CERS6: variants seen among roughly 807,000 people sequenced by gnomAD.
CERS6 encodes ceramide synthase 6.
In CERS6, 26 loss-of-function variants were observed where a neutral mutation model predicts 56.8. The observed-to-expected ratio is 0.46, with a 90% CI of 0.34 to 0.63. The LOEUF is 0.63. CERS6 is among the 30% of genes least tolerant of loss of function. CERS6 has a pLI of 0.01. For synonymous variants in CERS6, 164 were observed against 173.3 expected, an observed-to-expected ratio of 0.95 and a Z score of 0.42; for missense variants, 415 against 467.5, an observed-to-expected ratio of 0.89 and a Z score of 1.04.
chr2:168,498,280 T>C (rs1694510896), intron 1 of CERS6, among the ~76,000 whole-genome samples: 1 of 152,164 alleles, frequency 6.6e-6, no homozygotes, highest in Non-Finnish European at 1.5e-5. Flanking sequence ...TAATGCTGGA[T>C]TTTTATTCTC....
rs1230535229 is a variant in CERS6, at chr2:168,772,766, T to A, written c.*3104T>A. 4.6e-5 allele frequency: 7 copies of A among 152,684 alleles called. No homozygotes were observed. The highest frequency in any genetic ancestry group is 3.9e-4 in the Admixed American group (6 of 15,284). 9.5% of individuals were successfully genotyped at this position (152,684 alleles called of 1,614,324 possible). On this transcript the variant is annotated 3_prime_UTR_variant, in exon 10 of 10. Transcript: ENST00000305747. ...TGTATGTGGTAAAAATGCAGATGATTGCTGCTTTACCCCAGGGTTTATTAG... is the reference window on the plus strand; with the variant it reads ...TGTATGTGGTAAAAATGCAGATGATAGCTGCTTTACCCCAGGGTTTATTAG...
At chr2:168,752,219 A>T (rs932022237) in intron 8 of CERS6, among the ~76,000 whole-genome samples, 1 of 151,504 alleles carries the variant, frequency 6.6e-6, no homozygotes, top group South Asian at 2.1e-4. Flanking sequence ...CAGTAGGATC[A>T]TTTGAGCCCA....
intron 3 of CERS6, among the ~76,000 whole-genome samples, chr2:168,599,582 C>T (rs751228467): frequency 1.1e-4 from 17 of 152,016 alleles, no homozygotes; most frequent in South Asian, 2.1e-4. Context: ...TTAGTAACCC[C>T]GATTAGAAAA....
intron 4 of CERS6, among the ~76,000 whole-genome samples, chr2:168,633,298 T>C (rs1470993668): frequency 2.0e-5 from 3 of 152,150 alleles, no homozygotes; most frequent in African/African-American, 7.2e-5. Flanking sequence ...GCTGTGTAGT[T>C]TAGTCTTACT....
At chr2:168,730,802 A>G (rs1482507719) in intron 8 of CERS6, among the ~76,000 whole-genome samples, 1 of 152,200 alleles carries the variant, frequency 6.6e-6, no homozygotes, top group East Asian at 1.9e-4. Flanking sequence ...GTCTGCAGCC[A>G]TGCATTAAAG....
chr2:168,545,610 G>A (rs1442726083), intron 1 of CERS6, among the ~76,000 whole-genome samples: 1 of 152,036 alleles, frequency 6.6e-6, no homozygotes, highest in Admixed American at 6.6e-5. Context: ...TTGTGACAGG[G>A]CACACAGAGA....
chr2:168,460,375 T>G (rs1464697964), intron 1 of CERS6, among the ~76,000 whole-genome samples: 1 of 151,988 alleles, frequency 6.6e-6, no homozygotes, highest in Non-Finnish European at 1.5e-5. Context: ...TTTGTAATTT[T>G]TTGTAGAGAT....
chr2:168,560,791 G>GTTGTTT (rs1558998390), intron 2 of CERS6, among the ~76,000 whole-genome samples: 3 of 152,116 alleles, frequency 2.0e-5, no homozygotes, highest in Non-Finnish European at 4.4e-5. Flanking sequence ...TGTTGTTGTT[G>GTTGTTT]TTGAGAAAGT....
At chr2:168,492,454 T>C (rs1043399759) in intron 1 of CERS6, among the ~76,000 whole-genome samples, 1 of 152,230 alleles carries the variant, frequency 6.6e-6, no homozygotes, top group African/African-American at 2.4e-5. Flanking sequence ...TGCCCACTTT[T>C]TGATGGGGTT....
At chr2:168,735,911 T>G (rs1373636049) in intron 8 of CERS6, among the ~76,000 whole-genome samples, 1 of 125,212 alleles carries the variant, frequency 8.0e-6, no homozygotes, top group African/African-American at 2.9e-5. Context: ...AAGAAAGAAA[T>G]ATTTTTCTAG....
chr2:168,478,822 T>G (rs1309363062), intron 1 of CERS6, among the ~76,000 whole-genome samples: 1 of 152,210 alleles, frequency 6.6e-6, no homozygotes, highest in Non-Finnish European at 1.5e-5. Context: ...TTTTACCCTG[T>G]TTAATTTAAT....
intron 4 of CERS6, among the ~76,000 whole-genome samples, chr2:168,688,272 G>A (rs562059420): frequency 6.6e-6 from 1 of 152,072 alleles, no homozygotes; most frequent in Admixed American, 6.6e-5. Context: ...TAGAATATAT[G>A]GATTTTGACA....
At chr2:168,604,390 CG>C (rs1559016909) in intron 3 of CERS6, among the ~76,000 whole-genome samples, 2,854 of 150,694 alleles carry the variant, frequency 0.019, 129 homozygotes, top group East Asian at 0.18. Context: ...CAGTTGTATA[CG>C]TGTGTGTGTG....
intron 3 of CERS6, among the ~76,000 whole-genome samples, chr2:168,605,392 G>A (rs186218900): frequency 4.6e-5 from 7 of 152,302 alleles, no homozygotes; most frequent in Admixed American, 4.6e-4. Context: ...TATCCAATTG[G>A]AACTTACGTA....
chr2:168,653,761 C>G (rs763888614), intron 4 of CERS6, among the ~76,000 whole-genome samples: 13 of 152,204 alleles, frequency 8.5e-5, no homozygotes, highest in Non-Finnish European at 1.3e-4. Context: ...CAGTAAAATT[C>G]TGCCAAAACC....
At chr2:168,522,758 A>T (rs1453159783) in intron 1 of CERS6, among the ~76,000 whole-genome samples, 1 of 152,162 alleles carries the variant, frequency 6.6e-6, no homozygotes, top group Non-Finnish European at 1.5e-5. Context: ...TTTGTTGCCC[A>T]GGCTGGGCTC....
At chr2:168,468,882 T>C (rs1391984444) in intron 1 of CERS6, among the ~76,000 whole-genome samples, 1 of 85,686 alleles carries the variant, frequency 1.2e-5, no homozygotes, top group Non-Finnish European at 2.2e-5. Flanking sequence ...CTTTGTCCAC[T>C]TCACACTCAT....
chr2:168,766,991 T>C (rs2105467961), intron 9 of CERS6, among the ~76,000 whole-genome samples: 2 of 152,406 alleles, frequency 1.3e-5, no homozygotes, highest in South Asian at 4.1e-4. Context: ...CATGTATTTC[T>C]ATTTTAAAAT....
chr2:168,765,450 C>A (rs1684704835), intron 8 of CERS6, 142 bp from the exon 9 acceptor site: 2 of 679,236 alleles, frequency 2.9e-6, no homozygotes, highest in South Asian at 3.6e-5. Context: ...TTTCTAAGTA[C>A]CTGGCAAGCT....
Sources: gnomAD v4.1 joint callset for allele counts (sites outside exome capture counted in the v4.1 genomes callset) on GRCh38, gnomAD v4.1.1 for gene constraint, MANE v1.5 for transcripts, NCBI Gene and HGNC (gene_info 2026-07-23, HGNC 2026-07-21) for gene names.